CLSTN2: variants seen among roughly 807,000 people sequenced by gnomAD.
CLSTN2 encodes calsyntenin 2, also known as calsyntenin-2.
A neutral mutation model predicts 101.2 loss-of-function variants in CLSTN2; 48 were observed. The ratio of observed to expected loss-of-function variants is 0.47; its 90% CI spans 0.38 to 0.60. CLSTN2 has a LOEUF of 0.60. CLSTN2 is among the 20% of genes least tolerant of loss of function. CLSTN2 has a pLI of 0.00. For synonymous variants in CLSTN2, 481 were observed against 463.6 expected, an observed-to-expected ratio of 1.04 and a Z score of -0.48; for missense variants, 1,160 against 1,238.2, an observed-to-expected ratio of 0.94 and a Z score of 0.95.
chr3:140,148,798 C>T (rs2009819447), intron 1 of CLSTN2, among the ~76,000 whole-genome samples: 1 of 152,148 alleles, frequency 6.6e-6, no homozygotes, highest in Non-Finnish European at 1.5e-5. Flanking sequence ...TCTAGGTCAG[C>T]TTCAGGATGA....
At chr3:140,258,377 C>A (rs867818837) in intron 2 of CLSTN2, among the ~76,000 whole-genome samples, 5 of 152,156 alleles carry the variant, frequency 3.3e-5, no homozygotes, top group African/African-American at 1.2e-4. Context: ...GACAGCTAAT[C>A]CATGGCCGGG....
At chr3:140,100,671 G>A (rs2008950717) in intron 1 of CLSTN2, among the ~76,000 whole-genome samples, 2 of 152,220 alleles carry the variant, frequency 1.3e-5, no homozygotes, top group African/African-American at 4.8e-5. Context: ...GCTGTGTGTG[G>A]GCCACACGCA....
intron 1 of CLSTN2, among the ~76,000 whole-genome samples, chr3:139,990,901 T>C (rs1238326088): frequency 6.6e-6 from 1 of 152,266 alleles, no homozygotes; most frequent in Non-Finnish European, 1.5e-5. Context: ...TTAATTGTTA[T>C]GTCTTCATTT....
intron 1 of CLSTN2, among the ~76,000 whole-genome samples, chr3:139,977,655 A>G (rs1455735862): frequency 3.5e-5 from 5 of 142,048 alleles, no homozygotes; most frequent in Non-Finnish European, 6.0e-5. Flanking sequence ...GTTCATACTG[A>G]CTTTTTTGTT....
intron 8 of CLSTN2, among the ~76,000 whole-genome samples, chr3:140,484,752 C>T (rs1041322683): frequency 1.3e-4 from 20 of 152,174 alleles, no homozygotes; most frequent in African/African-American, 3.1e-4. Context: ...TTGATCGAAT[C>T]GGCTACTGAG....
intron 1 of CLSTN2, among the ~76,000 whole-genome samples, chr3:140,156,425 G>A (rs1409817897): frequency 6.6e-6 from 1 of 152,176 alleles, no homozygotes; most frequent in African/African-American, 2.4e-5. Context: ...TTGAATTGAT[G>A]AATGGTATTT....
At chr3:140,558,257 T>A (rs1306954631) in intron 11 of CLSTN2, among the ~76,000 whole-genome samples, 1 of 152,164 alleles carries the variant, frequency 6.6e-6, no homozygotes, top group Non-Finnish European at 1.5e-5. Context: ...AGCCCTGGGG[T>A]CTCAATTAGT....
chr3:140,280,522 A>G (rs1273485010), intron 2 of CLSTN2, among the ~76,000 whole-genome samples: 2 of 152,156 alleles, frequency 1.3e-5, no homozygotes, highest in Non-Finnish European at 2.9e-5. Context: ...GAGGAAAGCA[A>G]TTGGGAAGCA....
At chr3:140,485,445 A>C (rs1934217568) in intron 8 of CLSTN2, among the ~76,000 whole-genome samples, 1 of 152,164 alleles carries the variant, frequency 6.6e-6, no homozygotes, top group Admixed American at 6.5e-5. Context: ...CTCAGATCTC[A>C]AGCTGTGTGC....
chr3:140,389,282 G>A (rs2088086370), intron 2 of CLSTN2, among the ~76,000 whole-genome samples: 1 of 152,024 alleles, frequency 6.6e-6, no homozygotes, highest in African/African-American at 2.4e-5. Flanking sequence ...ATTCTGACGT[G>A]CTCCCTCCTC....
chr3:140,211,671 G>T (rs1289167782), intron 2 of CLSTN2, among the ~76,000 whole-genome samples: 1 of 151,574 alleles, frequency 6.6e-6, no homozygotes, highest in Admixed American at 6.6e-5. Context: ...AAATGAAATT[G>T]AATAATAATA....
chr3:140,356,681 C>G (rs1162590569), intron 2 of CLSTN2, among the ~76,000 whole-genome samples: 1 of 150,474 alleles, frequency 6.6e-6, no homozygotes, highest in African/African-American at 2.5e-5. Flanking sequence ...TTGCTTGAAC[C>G]CAGGAAGCGG....
intron 1 of CLSTN2, among the ~76,000 whole-genome samples, chr3:140,068,474 G>T (rs2008336359): frequency 6.6e-6 from 1 of 152,192 alleles, no homozygotes; most frequent in Non-Finnish European, 1.5e-5. Flanking sequence ...CCATGCAAAT[G>T]GACTTGAAAG....
intron 1 of CLSTN2, among the ~76,000 whole-genome samples, chr3:140,065,212 G>C (rs913727304): frequency 3.9e-5 from 6 of 152,240 alleles, no homozygotes; most frequent in Admixed American, 2.6e-4. Context: ...TCACCTGCAA[G>C]GGCAGGTGTG....
Position 140,234,914 on chromosome 3 carries a change from C to T in CLSTN2, c.232+58841C>T, listed in dbSNP as rs80198376. 3.1e-3 allele frequency among the ~76,000 whole-genome samples: 479 copies of T among 152,270 alleles called. 18 individuals carry two copies. In the East Asian group the frequency reaches 0.089, roughly 28 times the overall value. Reference sequence around the variant, plus strand: ...TAATGTTCTGCAGCAGCTCCATCTTCTGCAGAAGCCACACAGACACTATGG... The same window carrying T: ...TAATGTTCTGCAGCAGCTCCATCTTTTGCAGAAGCCACACAGACACTATGG... On this transcript the variant is annotated intron_variant, in intron 2 of 16. Coordinates refer to ENST00000458420, the MANE Select transcript of CLSTN2 (RefSeq NM_022131.3).
intron 1 of CLSTN2, among the ~76,000 whole-genome samples, chr3:139,989,475 G>A (rs992960036): frequency 2.0e-5 from 3 of 151,890 alleles, no homozygotes; most frequent in Admixed American, 6.6e-5. Context: ...TTACTTCCAC[G>A]TGGCCTGTTA....
chr3:140,233,191 C>G (rs758249677), intron 2 of CLSTN2, among the ~76,000 whole-genome samples: 1 of 152,180 alleles, frequency 6.6e-6, no homozygotes, highest in Non-Finnish European at 1.5e-5. Context: ...GTCTCTGGTT[C>G]TGCACTTGCA....
intron 5 of CLSTN2, among the ~76,000 whole-genome samples, chr3:140,445,934 T>C (rs1399609440): frequency 6.6e-6 from 1 of 152,164 alleles, no homozygotes; most frequent in Non-Finnish European, 1.5e-5. Context: ...TTGAAAATAC[T>C]GTAGAAGCAT....
chr3:140,357,100 C>G (rs1047512554), intron 2 of CLSTN2, among the ~76,000 whole-genome samples: 4 of 152,178 alleles, frequency 2.6e-5, no homozygotes, highest in African/African-American at 9.7e-5. Flanking sequence ...GAGTCTTGAG[C>G]AAGTCCCCTC....
Sources: gnomAD v4.1 joint callset for allele counts (sites outside exome capture counted in the v4.1 genomes callset) on GRCh38, gnomAD v4.1.1 for gene constraint, MANE v1.5 for transcripts, NCBI Gene and HGNC (gene_info 2026-07-23, HGNC 2026-07-21) for gene names.